LRRC1: variants seen among roughly 807,000 people sequenced by gnomAD.
LRRC1 encodes leucine rich repeat containing 1.
A neutral mutation model predicts 69.9 loss-of-function variants in LRRC1; 28 were observed. The observed-to-expected ratio is 0.40, with a 90% confidence interval of 0.30 to 0.55. The LOEUF (loss-of-function observed/expected upper bound fraction) is 0.55, where lower values mean the gene tolerates loss of function less well. Among genes scored for constraint, LRRC1 ranks in the 20% least tolerant of loss-of-function variants. LRRC1 has a pLI of 0.47. For synonymous variants in LRRC1, 236 were observed against 240.2 expected, an observed-to-expected ratio of 0.98 and a Z score of 0.16; for missense variants, 498 against 609.0, an observed-to-expected ratio of 0.82 and a Z score of 1.92.
At chr6:53,907,453 G>C (rs1768277633) in intron 10 of LRRC1, among the ~76,000 whole-genome samples, 1 of 152,200 alleles carries the variant, frequency 6.6e-6, no homozygotes, top group Non-Finnish European at 1.5e-5. Context: ...TGGTTGAGGG[G>C]AAGATGTTTG....
chr6:53,796,465 G>A (rs1055902683), intron 1 of LRRC1, among the ~76,000 whole-genome samples: 1 of 152,146 alleles, frequency 6.6e-6, no homozygotes, highest in Admixed American at 6.5e-5. Context: ...CCTGTTTTAG[G>A]CCTGAGCTTT....
intron 1 of LRRC1, among the ~76,000 whole-genome samples, chr6:53,795,977 G>A (rs1324829560): frequency 1.3e-5 from 2 of 152,234 alleles, no homozygotes; most frequent in Non-Finnish European, 2.9e-5. Flanking sequence ...CGGCTGGCCT[G>A]CGGTGGCTGC....
intron 1 of LRRC1, among the ~76,000 whole-genome samples, chr6:53,831,356 G>T (rs916599744): frequency 6.6e-6 from 1 of 152,124 alleles, no homozygotes; most frequent in African/African-American, 2.4e-5. Flanking sequence ...TGATATTTGG[G>T]TTATTTGTTC....
At chr6:53,919,728 T>G in intron 12 of LRRC1, 58 bp downstream of exon 12, 1 of 1,498,982 alleles carries the variant, frequency 6.7e-7, no homozygotes, top group Non-Finnish European at 9.1e-7. Flanking sequence ...GGACCTAATG[T>G]CTGTCCATAA....
chr6:53,815,823 C>A (rs1447902841), intron 1 of LRRC1, among the ~76,000 whole-genome samples: 2 of 152,188 alleles, frequency 1.3e-5, no homozygotes, highest in Non-Finnish European at 2.9e-5. Flanking sequence ...GGAAGATAGG[C>A]AGGCCGGTTT....
intron 2 of LRRC1, among the ~76,000 whole-genome samples, chr6:53,844,959 C>A (rs954982652): frequency 6.6e-6 from 1 of 152,176 alleles, no homozygotes; most frequent in Non-Finnish European, 1.5e-5. Flanking sequence ...AATCCCGGCA[C>A]TTTGGGAGGC....
intron 2 of LRRC1, among the ~76,000 whole-genome samples, chr6:53,867,628 A>G (rs906257428): frequency 1.3e-5 from 2 of 152,176 alleles, no homozygotes; most frequent in Non-Finnish European, 2.9e-5. Flanking sequence ...ATTTGAATTA[A>G]TGAAAAGTAT....
chr6:53,911,272 T>A (rs997425840), intron 10 of LRRC1, among the ~76,000 whole-genome samples: 1 of 152,244 alleles, frequency 6.6e-6, no homozygotes, highest in Non-Finnish European at 1.5e-5. Flanking sequence ...GATTAATGGA[T>A]CTTGTCCAGA....
intron 4 of LRRC1, among the ~76,000 whole-genome samples, chr6:53,894,833 G>T (rs1467432576): frequency 6.6e-6 from 1 of 152,132 alleles, no homozygotes; most frequent in African/African-American, 2.4e-5. Flanking sequence ...TTGGTCAAGA[G>T]AAAGTAGAAC....
At chr6:53,879,259 T>C (rs1209075353) in intron 3 of LRRC1, among the ~76,000 whole-genome samples, 188 bp downstream of exon 3, 1 of 152,202 alleles carries the variant, frequency 6.6e-6, no homozygotes, top group Non-Finnish European at 1.5e-5. Context: ...TACTATTCTA[T>C]TGATAGAAAC....
chr6:53,900,000 C>T, intron 8 of LRRC1, 109 bp downstream of exon 8: 2 of 675,630 alleles, frequency 3.0e-6, no homozygotes, highest in Non-Finnish European at 2.3e-6. Context: ...GAGGATGTGG[C>T]TCCTTAAAGT....
At chr6:53,891,427 G>A (rs972934258) in intron 4 of LRRC1, among the ~76,000 whole-genome samples, 2 of 151,398 alleles carry the variant, frequency 1.3e-5, no homozygotes, top group African/African-American at 2.4e-5. Context: ...AAAAAATACT[G>A]GTATGTACAA....
chr6:53,907,010 G>A (rs925302003), intron 10 of LRRC1, among the ~76,000 whole-genome samples: 1 of 152,168 alleles, frequency 6.6e-6, no homozygotes, highest in Non-Finnish European at 1.5e-5. Context: ...TGACCATCAG[G>A]GCTGAGCAGC....
chr6:53,870,284 T>C (rs1481453926), intron 2 of LRRC1, among the ~76,000 whole-genome samples: 1 of 152,230 alleles, frequency 6.6e-6, no homozygotes, highest in African/African-American at 2.4e-5. Context: ...GTGATGCTTC[T>C]GTTACTCTGA....
At chr6:53,823,667 G>A (rs1197118698) in intron 1 of LRRC1, among the ~76,000 whole-genome samples, 4 of 151,942 alleles carry the variant, frequency 2.6e-5, no homozygotes, top group East Asian at 1.9e-4. Flanking sequence ...TCCACCTCAG[G>A]TAGGCCCCAG....
intron 1 of LRRC1, among the ~76,000 whole-genome samples, chr6:53,800,484 T>C (rs1366235520): frequency 6.6e-6 from 1 of 151,570 alleles, no homozygotes; most frequent in Non-Finnish European, 1.5e-5. Context: ...ACTCCTGACC[T>C]CAAGTGATCT....
rs759261438 is a variant in LRRC1 at position 53,904,233 on chromosome 6, C to T, written c.907-146C>T. The T allele has an allele frequency of 1.4e-5, 8 of 553,784 alleles. No homozygotes were observed. In the African/African-American group the frequency reaches 1.5e-4, roughly 11 times the overall value. 34.3% of individuals were successfully genotyped at this position (553,784 alleles called of 1,614,324 possible). On this transcript the variant is annotated intron_variant, in intron 9 of 13. Transcript: ENST00000370888. ...CTTAATGTCGCACCCCCTAAGGGAA[C>T]ATTACAAATATCTGATATTCAGCAA...
At position 53,902,618 on chromosome 6, in the gene LRRC1, T is replaced by C. The variant is rs1239449962; in HGVS notation, c.788-11T>C. The stretch of plus-strand genomic sequence containing the variant: ...ATGAATTTGATAATAATAATCATAA[T>C]GCTTTTACAGGAAAACTAAAGAAAC... On this transcript the variant is annotated splice_polypyrimidine_tract_variant and intron_variant, in intron 8 of 13. Transcript: ENST00000370888. 4.0e-6 allele frequency: 6 copies of C among 1,482,216 alleles called. No homozygotes were observed. The highest frequency in any genetic ancestry group is 5.6e-6 in the Non-Finnish European group (6 of 1,079,238). The allele number at this position is 1,482,216 out of a possible 1,614,324, so 91.8% of individuals were successfully genotyped here.
intron 6 of LRRC1, 44 bp downstream of exon 6, chr6:53,896,936 A>T (rs754803175): frequency 1.6e-6 from 2 of 1,266,598 alleles, no homozygotes; most frequent in Non-Finnish European, 2.3e-6. Flanking sequence ...GTTTTTAGTT[A>T]TGATCACACA....
Sources: gnomAD v4.1 joint callset for allele counts (sites outside exome capture counted in the v4.1 genomes callset) on GRCh38, gnomAD v4.1.1 for gene constraint, MANE v1.5 for transcripts, NCBI Gene and HGNC (gene_info 2026-07-23, HGNC 2026-07-21) for gene names.